MED12L: variants seen among roughly 807,000 people sequenced by gnomAD.
MED12L encodes the protein mediator complex subunit 12L.
In MED12L, 60 loss-of-function variants were observed where a neutral mutation model predicts 281.3. That is an observed-to-expected ratio of 0.21 (90% CI 0.17 to 0.26). The LOEUF (loss-of-function observed/expected upper bound fraction) is 0.26, where lower values mean the gene tolerates loss of function less well. MED12L is among the 10% of genes least tolerant of loss of function. The pLI is 1.00. For synonymous variants in MED12L, 974 were observed against 987.2 expected, an observed-to-expected ratio of 0.99 and a Z score of 0.25; for missense variants, 2,146 against 2,680.9, an observed-to-expected ratio of 0.80 and a Z score of 4.41.
intron 16 of MED12L, among the ~76,000 whole-genome samples, chr3:151,263,623 T>A (rs1469020538): frequency 6.6e-6 from 1 of 152,234 alleles, no homozygotes; most frequent in Non-Finnish European, 1.5e-5. Context: ...TTAAATTTTT[T>A]AAGTGTTATT....
intron 5 of MED12L, among the ~76,000 whole-genome samples, chr3:151,153,564 CTTT>C (rs1177653143): frequency 1.1e-5 from 1 of 94,268 alleles, no homozygotes; most frequent in Non-Finnish European, 2.0e-5. Flanking sequence ...TGTTTTCTTT[CTTT>C]TTTTTTTTTT....
Position 151,409,323 on chromosome 3 carries a change from G to T in MED12L, c.5901G>T (p.Gln1967His). The change falls in exon 40 of 45, where the codon CAG becomes CAT. Residue 1967 changes from glutamine (Q) to histidine (H), a missense_variant. Transcript: ENST00000687756. ...AGCTCCCTCAGTATCCAGGGCTGCA[G>T]CAAGCACAGGTACCCACATTTGCTT... is the stretch of plus-strand genomic sequence containing the variant. ...SPQLPQYPGLQQAQTMPQGYT... is the reference protein window; with the variant it reads ...SPQLPQYPGLHQAQTMPQGYT... 1 of 1,614,012 alleles carries T rather than the reference G, an allele frequency of 6.2e-7. No individual in the cohort carries two copies. Among genetic ancestry groups the T allele is most frequent in the Non-Finnish European group, 8.5e-7 (1 of 1,180,000 alleles).
At chr3:151,201,242 C>T (rs950667282) in intron 16 of MED12L, among the ~76,000 whole-genome samples, 1 of 152,142 alleles carries the variant, frequency 6.6e-6, no homozygotes, top group Non-Finnish European at 1.5e-5. Flanking sequence ...CTCTCTCTCT[C>T]TCTCACACGC....
Position 151,394,937 on chromosome 3 carries a change from A to T in MED12L, c.5820+70A>T, listed in dbSNP as rs191372981. 1.8e-4 allele frequency: 294 copies of T among 1,593,398 alleles called. 3 individuals are homozygous for T. Among genetic ancestry groups the T allele is most frequent in the Middle Eastern group, 1.1e-3 (5 of 4,414 alleles). ...TCTGCTAGCTTGGGATAAGTTTGGG[A>T]TATGTAGCATATTCTTTCTGTATGC... On this transcript the variant is annotated intron_variant, in intron 39 of 44. Coordinates refer to ENST00000687756, the MANE Select transcript of MED12L (RefSeq NM_001393769.1).
intron 16 of MED12L, among the ~76,000 whole-genome samples, chr3:151,216,936 G>A (rs1318301744): frequency 1.3e-5 from 2 of 152,128 alleles, no homozygotes; most frequent in African/African-American, 4.8e-5. Context: ...GCATGCTGCT[G>A]TATTCCCAGG....
At chr3:151,320,922 A>G (rs1470326177) in intron 16 of MED12L, among the ~76,000 whole-genome samples, 6 of 152,228 alleles carry the variant, frequency 3.9e-5, no homozygotes, top group Admixed American at 2.6e-4. Flanking sequence ...GAGCATGGCA[A>G]TGCCTGCCAT....
chr3:151,347,770 C>T (rs773927278), intron 16 of MED12L, among the ~76,000 whole-genome samples: 16 of 152,130 alleles, frequency 1.1e-4, no homozygotes, highest in Non-Finnish European at 1.6e-4. Flanking sequence ...GCATTTTACA[C>T]GCTTTATCCC....
intron 37 of MED12L, among the ~76,000 whole-genome samples, chr3:151,388,911 CA>C (rs1713819876): frequency 6.6e-6 from 1 of 152,174 alleles, no homozygotes; most frequent in African/African-American, 2.4e-5. Context: ...GGATTTGAGA[CA>C]TTTTTAATGA....
At chr3:151,087,311 C>T (rs1335040327) in intron 2 of MED12L, among the ~76,000 whole-genome samples, 3 of 152,256 alleles carry the variant, frequency 2.0e-5, no homozygotes, top group African/African-American at 7.2e-5. Context: ...TTCTTCCCTG[C>T]CGAAACCTTG....
chr3:151,434,424 A>C lies in MED12L; in HGVS notation c.*1620A>C, dbSNP rs1467988974. 1 of 152,208 alleles carries C rather than the reference A, an allele frequency of 6.6e-6. No individual in the cohort carries two copies. Among genetic ancestry groups the C allele is most frequent in the Non-Finnish European group, 1.5e-5 (1 of 68,028 alleles). 9.4% of individuals were successfully genotyped at this position (152,208 alleles called of 1,614,324 possible). On this transcript the variant is annotated 3_prime_UTR_variant, in exon 45 of 45. Transcript: ENST00000687756. Reference sequence around the variant, plus strand: ...GTACACTGTGAAAATATTTCACTCCAGCCTGCCCATTTTGTGTTTACTCTG... The same window carrying C: ...GTACACTGTGAAAATATTTCACTCCCGCCTGCCCATTTTGTGTTTACTCTG...
At position 151,160,063 on chromosome 3, in the gene MED12L, C is replaced by T. The variant is rs779891710; in HGVS notation, c.1069C>T (p.His357Tyr). The T allele has an allele frequency of 1.2e-6, 2 of 1,613,268 alleles. No homozygotes were observed. The highest frequency in any genetic ancestry group is 2.2e-5 in the East Asian group (1 of 44,864). The change falls in exon 8 of 45, where the codon CAT becomes TAT. Residue 357 changes from histidine to tyrosine, a missense_variant. His to Tyr is a moderately conservative substitution (Grantham distance 83). Coordinates refer to ENST00000687756, the MANE Select transcript of MED12L (RefSeq NM_001393769.1). ...AFSDFLSCAQ[H>Y]GPLVYGLSCM... ...CTCAGATTTTCTTTCCTGTGCACAG[C>T]ATGGTCCCCTGGTTTATGGACTTAG...
intron 11 of MED12L, among the ~76,000 whole-genome samples, chr3:151,170,420 C>A (rs1173483585): frequency 6.6e-6 from 1 of 151,582 alleles, no homozygotes; most frequent in African/African-American, 2.4e-5. Flanking sequence ...GATTAATAGG[C>A]GCCTGCCACC....
chr3:151,204,966 C>T (rs1726149537), intron 16 of MED12L, among the ~76,000 whole-genome samples: 1 of 152,210 alleles, frequency 6.6e-6, no homozygotes, highest in Non-Finnish European at 1.5e-5. Flanking sequence ...TGCCCTTGTT[C>T]TCAGAGTTCT....
intron 16 of MED12L, among the ~76,000 whole-genome samples, chr3:151,235,240 C>G (rs1732491297): frequency 6.6e-6 from 1 of 152,228 alleles, no homozygotes; most frequent in African/African-American, 2.4e-5. Flanking sequence ...ATGTTTTCCT[C>G]AGTCTCATTA....
Position 151,380,232 on chromosome 3 carries a change from A to G in MED12L, c.4590+8A>G, listed in dbSNP as rs1712005439. The G allele has an allele frequency of 6.6e-7, 1 of 1,505,276 alleles. No individual in the cohort carries two copies. The allele number at this position is 1,505,276 out of a possible 1,614,324, so 93.2% of individuals were successfully genotyped here. ...CAGAATCAAGTTAACCAGGTAAAGT[A>G]TAGTATAATATTAAGACAGGCAAAT... On this transcript the variant is annotated splice_region_variant and intron_variant, in intron 32 of 44. Coordinates refer to ENST00000687756, the MANE Select transcript of MED12L (RefSeq NM_001393769.1).
intron 11 of MED12L, among the ~76,000 whole-genome samples, chr3:151,174,070 C>A (rs1721757313): frequency 6.6e-6 from 1 of 152,090 alleles, no homozygotes; most frequent in South Asian, 2.1e-4. Context: ...GGAATATTTG[C>A]ATTATATACT....
At chr3:151,249,837 T>C (rs889693498) in intron 16 of MED12L, among the ~76,000 whole-genome samples, 7 of 152,186 alleles carry the variant, frequency 4.6e-5, no homozygotes, top group Admixed American at 2.6e-4. Flanking sequence ...AATACAGTCA[T>C]AATACATCTT....
chr3:151,409,568 CT>C (rs1271359326), intron 40 of MED12L, among the ~76,000 whole-genome samples: 1 of 152,054 alleles, frequency 6.6e-6, no homozygotes, highest in Admixed American at 6.6e-5. Context: ...AAATTCAAAC[CT>C]TTTATTAGTG....
chr3:151,373,678 C>T (rs1756463938), intron 27 of MED12L, among the ~76,000 whole-genome samples: 1 of 151,954 alleles, frequency 6.6e-6, no homozygotes, highest in African/African-American at 2.4e-5. Context: ...TTATAATATA[C>T]TGTACTTAGT....
Sources: gnomAD v4.1 joint callset for allele counts (sites outside exome capture counted in the v4.1 genomes callset) on GRCh38, gnomAD v4.1.1 for gene constraint, MANE v1.5 for transcripts, NCBI Gene and HGNC (gene_info 2026-07-23, HGNC 2026-07-21) for gene names.